Variants in DEAF1 observed in about 807,000 individuals in gnomAD.
DEAF1 encodes the protein DEAF1 transcription factor, also known as deformed epidermal autoregulatory factor 1 homolog.
DEAF1 carries 53 observed loss-of-function variants against 58.9 expected under a neutral mutation model. That is an observed-to-expected ratio of 0.90 (90% CI 0.72 to 1.13). The LOEUF (loss-of-function observed/expected upper bound fraction) is 1.13, where lower values mean the gene tolerates loss of function less well. Among genes scored for constraint, DEAF1 ranks in the 50% most tolerant of loss-of-function variants. The pLI is 0.00. For missense variants in DEAF1, 685 were observed against 791.4 expected (o/e 0.87, Z 1.61); for synonymous variants, 385 against 340.4 (o/e 1.13, Z -1.44).
intron 5 of DEAF1, 119 bp from the exon 6 acceptor site, chr11:685,082 C>CA: frequency 5.6e-6 from 2 of 357,428 alleles, no homozygotes; most frequent in Non-Finnish European, 9.7e-6. Context: ...TATAAAAATT[C>CA]TTTTTTTTTT....
rs1860251995 is a variant in DEAF1, at chr11:679,644, G to A, written c.1126+44C>T. On this transcript the variant is annotated intron_variant, in intron 8 of 11. Transcript: ENST00000382409. ...CGTCGGGGATGTGATGTCACAGACA[G>A]GGATATGCTGAGGACGCGTCAGGCA... is the stretch of plus-strand genomic sequence containing the variant. 4 of 1,605,274 alleles carry A rather than the reference G, an allele frequency of 2.5e-6. No homozygotes were observed. The South Asian group carries it at 3.3e-5, about 13-fold the overall frequency.
chr11:654,069 C>T lies in DEAF1; in HGVS notation c.1504-18G>A, dbSNP rs1858924904. On this transcript the variant is annotated intron_variant, in intron 10 of 11. Coordinates refer to ENST00000382409, the MANE Select transcript of DEAF1 (RefSeq NM_021008.4). Reference sequence around the variant, plus strand: ...CAGGACTGCTGCAAGAAGGACACAACAGGCCAGTCAGTGACGTGGCCGTGG... The same window carrying T: ...CAGGACTGCTGCAAGAAGGACACAATAGGCCAGTCAGTGACGTGGCCGTGG... 1 of 1,609,642 alleles carries T rather than the reference C, an allele frequency of 6.2e-7. No homozygotes were observed. The highest frequency in any genetic ancestry group is 2.2e-5 in the East Asian group (1 of 44,746).
intron 10 of DEAF1, among the ~76,000 whole-genome samples, 183 bp from the exon 11 acceptor site, chr11:654,234 T>C (rs1454507218): frequency 1.4e-5 from 2 of 142,162 alleles, no homozygotes; most frequent in Non-Finnish European, 1.5e-5. Context: ...CGTGGTGCGA[T>C]CTCAGCTCAC....
intron 11 of DEAF1, chr11:646,718 T>C (rs1223347007): frequency 4.6e-5 from 7 of 152,090 alleles, no homozygotes; most frequent in Non-Finnish European, 7.3e-5. Flanking sequence ...TAAACATCAA[T>C]GTGATGCTTC....
chr11:652,563 G>A (rs941798698), intron 11 of DEAF1, among the ~76,000 whole-genome samples: 12 of 151,920 alleles, frequency 7.9e-5, no homozygotes, highest in Non-Finnish European at 1.3e-4. Context: ...ACTTGAACCC[G>A]GGAGGCAGAG....
At chr11:684,123 CTT>C (rs34831036) in intron 6 of DEAF1, among the ~76,000 whole-genome samples, 48 of 143,800 alleles carry the variant, frequency 3.3e-4, no homozygotes, top group South Asian at 1.7e-3. Context: ...TCTCCATGCT[CTT>C]TTTTTTTTTT....
intron 1 of DEAF1, among the ~76,000 whole-genome samples, chr11:692,769 T>C (rs1367095836): frequency 6.6e-6 from 1 of 152,062 alleles, no homozygotes; most frequent in Non-Finnish European, 1.5e-5. Context: ...GGAGAATCAC[T>C]TGAACCCGGG....
At chr11:700,982 A>C in intron 1 of DEAF1, 1 of 421,470 alleles carries the variant, frequency 2.4e-6, no homozygotes, top group Non-Finnish European at 4.1e-6. Flanking sequence ...CACTGAGATC[A>C]GAAAAGCCCA....
intron 9 of DEAF1, among the ~76,000 whole-genome samples, chr11:677,962 CA>C (rs34157642): frequency 1.6e-4 from 23 of 140,190 alleles, no homozygotes; most frequent in Non-Finnish European, 3.1e-4. Context: ...CACTCTGTCT[CA>C]AAAAAAAAAA....
In DEAF1 at chr11:644,267, G is replaced by C; in HGVS notation, c.*283C>G. The C allele has an allele frequency of 1.9e-6, 1 of 538,250 alleles. No homozygotes were observed. The highest frequency in any genetic ancestry group is 3.4e-6 in the Non-Finnish European group (1 of 296,248). The allele number at this position is 538,250 out of a possible 1,614,324, so 33.3% of individuals were successfully genotyped here. ...TACACTTTATTGACAGACACAACAC[G>C]TATGTATGTGCGTCGCAGCACAGGC... On this transcript the variant is annotated 3_prime_UTR_variant, in exon 12 of 12. Coordinates refer to ENST00000382409, the MANE Select transcript of DEAF1 (RefSeq NM_021008.4). This position sits in a 1 kb window ranked among gnomAD's most constrained non-coding sequence, Gnocchi z 4.3.
At chr11:656,712 C>T (rs1322690540) in intron 10 of DEAF1, among the ~76,000 whole-genome samples, 2 of 152,330 alleles carry the variant, frequency 1.3e-5, no homozygotes, top group South Asian at 2.1e-4. Flanking sequence ...CACCACACAC[C>T]AGGACGTCCT....
intron 1 of DEAF1, among the ~76,000 whole-genome samples, chr11:692,848 C>T (rs1295237555): frequency 4.6e-5 from 6 of 130,804 alleles, no homozygotes; most frequent in African/African-American, 1.6e-4. Context: ...AGCGAAACTC[C>T]GTCTCAAAAA....
intron 11 of DEAF1, 99 bp downstream of exon 11, chr11:653,863 G>A: frequency 9.6e-7 from 1 of 1,036,906 alleles, no homozygotes; most frequent in East Asian, 2.4e-5. Context: ...AGGGGAGTCA[G>A]GTGTGGCACC....
chr11:680,290 C>T (rs1429839785), intron 7 of DEAF1, among the ~76,000 whole-genome samples: 5 of 152,172 alleles, frequency 3.3e-5, no homozygotes, highest in Non-Finnish European at 7.4e-5. Context: ...GGGACTCTTC[C>T]TGCACCCACC....
intron 11 of DEAF1, among the ~76,000 whole-genome samples, chr11:650,007 AGAGT>A (rs942722562): frequency 1.3e-5 from 2 of 151,820 alleles, no homozygotes; most frequent in African/African-American, 2.4e-5. Flanking sequence ...GCCTGGCGAC[AGAGT>A]GAGATTGTCT....
chr11:676,768 C>T (rs11246260), intron 9 of DEAF1, among the ~76,000 whole-genome samples: 111,661 of 152,066 alleles, frequency 0.73, 41,533 homozygotes, highest in East Asian at 0.93. Flanking sequence ...CCTCCCAAAG[C>T]GCTGGGATTA....
chr11:695,596 T>C, upstream of DEAF1: 2 of 1,242,700 alleles, frequency 1.6e-6, no homozygotes, highest in East Asian at 3.2e-5. Context: ...GAGCCGAATG[T>C]CCCCGAGGCC....
intron 10 of DEAF1, among the ~76,000 whole-genome samples, chr11:667,290 G>A (rs1399886928): frequency 6.6e-6 from 1 of 150,832 alleles, no homozygotes; most frequent in Admixed American, 6.7e-5. Context: ...CTGCTTCTTA[G>A]CCTCGGTGAC....
At chr11:695,538 G>T, upstream of DEAF1, 1 of 1,174,876 alleles carries the variant, frequency 8.5e-7, no homozygotes, top group Non-Finnish European at 1.1e-6. Context: ...GGTTTCGCCC[G>T]TTCCCGCCGC....
Sources: allele counts gnomAD v4.1 joint callset (sites outside exome capture counted in the v4.1 genomes callset), GRCh38; gene constraint gnomAD v4.1.1; non-coding constraint Gnocchi (gnomAD v3.1); transcripts MANE v1.5; gene names NCBI Gene and HGNC (gene_info 2026-07-23, HGNC 2026-07-21).